Variants in ZNF654 observed in about 807,000 individuals in gnomAD.
ZNF654 encodes the protein zinc finger protein 654, also known as melanoma-associated antigen.
Under a neutral mutation model 95.3 loss-of-function variants are expected in ZNF654, and 19 were observed. That is an observed-to-expected ratio of 0.20 (90% CI 0.14 to 0.29). The LOEUF is 0.29. Ranked by LOEUF, ZNF654 falls within the 10% of genes least tolerant of loss-of-function variation. ZNF654 has a pLI of 1.00. For missense variants in ZNF654, 1,046 were observed against 1,341.0 expected, an observed-to-expected ratio of 0.78 and a Z score of 3.44; for synonymous variants, 413 against 457.9, an observed-to-expected ratio of 0.90 and a Z score of 1.25.
chr3:88,113,047 G>A lies in ZNF654; in HGVS notation c.333-68G>A. On this transcript the variant is annotated intron_variant, in intron 2 of 8. Transcript: ENST00000636215. ...ATATTGATATTAGATAGCTGATACT[G>A]TTTGATAATCTTTTAATTGGAGCAA... is the stretch of plus-strand genomic sequence containing the variant. The A allele has an allele frequency of 4.5e-6, 5 of 1,122,124 alleles. No homozygotes were observed. In the South Asian group the frequency reaches 7.2e-5, roughly 16 times the overall value. The allele number at this position is 1,122,124 out of a possible 1,614,324, so 69.5% of individuals were successfully genotyped here.
chr3:88,139,610 T>C lies in ZNF654; in HGVS notation c.1941T>C (p.Ser647=). 6.2e-7 allele frequency: 1 copy of C among 1,613,736 alleles called. No individual in the cohort carries two copies. Among genetic ancestry groups the C allele is most frequent in the Non-Finnish European group, 8.5e-7 (1 of 1,179,750 alleles). ...AAGTGGAGACACTTACTGCTTCTAG[T>C]GAAGGAAACAAAGAAGTCATCCCTG... The part of the protein sequence containing the change: ...DLEVETLTAS[S]EGNKEVIPEH... Residue 647 remains serine, a synonymous_variant, in exon 8 of 9, where the codon AGT becomes AGC. Coordinates refer to ENST00000636215, the MANE Select transcript of ZNF654 (RefSeq NM_001350134.2).
At chr3:88,102,716 T>C (rs1006242862) in intron 2 of ZNF654, among the ~76,000 whole-genome samples, 3 of 151,976 alleles carry the variant, frequency 2.0e-5, no homozygotes, top group African/African-American at 7.3e-5. Flanking sequence ...TCAGTTTAAC[T>C]TCTAACCGGT....
intron 2 of ZNF654, among the ~76,000 whole-genome samples, chr3:88,094,267 A>G (rs1703925395): frequency 6.6e-6 from 1 of 152,240 alleles, no homozygotes; most frequent in Non-Finnish European, 1.5e-5. Context: ...TGTATTGGCC[A>G]TCGTTAGAAA....
intron 1 of ZNF654, among the ~76,000 whole-genome samples, chr3:88,080,264 A>G (rs945364340): frequency 2.0e-5 from 3 of 152,114 alleles, no homozygotes; most frequent in Admixed American, 1.3e-4. Flanking sequence ...GTTGTAATTA[A>G]TCATACTTGG....
chr3:88,087,091 G>C (rs1708373974), intron 2 of ZNF654, among the ~76,000 whole-genome samples: 1 of 150,008 alleles, frequency 6.7e-6, no homozygotes, highest in African/African-American at 2.5e-5. Flanking sequence ...CCATTGTTTT[G>C]TTTTTTTGAG....
At chr3:88,123,464 C>CT (rs1234811591) in intron 3 of ZNF654, among the ~76,000 whole-genome samples, 2 of 152,122 alleles carry the variant, frequency 1.3e-5, no homozygotes, top group Non-Finnish European at 2.9e-5. Context: ...GGAGTAGACA[C>CT]TAAGTGTGGG....
intron 1 of ZNF654, among the ~76,000 whole-genome samples, chr3:88,066,093 ATTCT>A (rs1707183012): frequency 1.3e-5 from 2 of 152,222 alleles, no homozygotes; most frequent in Admixed American, 6.5e-5. Context: ...TGAAATTTTA[ATTCT>A]TTGTTTCCCC....
chr3:88,067,252 G>C (rs1707250965), intron 1 of ZNF654, among the ~76,000 whole-genome samples: 1 of 152,218 alleles, frequency 6.6e-6, no homozygotes, highest in African/African-American at 2.4e-5. Context: ...CTAATAGCTT[G>C]ACTATGTATA....
At chr3:88,064,046 T>C (rs1239370127) in intron 1 of ZNF654, among the ~76,000 whole-genome samples, 1 of 152,122 alleles carries the variant, frequency 6.6e-6, no homozygotes, top group Non-Finnish European at 1.5e-5. Flanking sequence ...GATCAACACA[T>C]GCCTATGATT....
chr3:88,112,693 T>C (rs756730228), intron 2 of ZNF654, among the ~76,000 whole-genome samples: 9 of 151,988 alleles, frequency 5.9e-5, no homozygotes, highest in Non-Finnish European at 8.8e-5. Flanking sequence ...GTGTTAATTT[T>C]ATTCAACTCT....
At chr3:88,074,297 C>T (rs988858435) in intron 1 of ZNF654, among the ~76,000 whole-genome samples, 1 of 151,704 alleles carries the variant, frequency 6.6e-6, no homozygotes, top group African/African-American at 2.4e-5. Flanking sequence ...CTTCTTTTAG[C>T]CCTCTAAAGG....
At position 88,132,943 on chromosome 3, in the gene ZNF654, A is replaced by G. The variant is rs75113624; in HGVS notation, c.894-2118A>G. 4.5e-4 allele frequency among the ~76,000 whole-genome samples: 69 copies of G among 152,308 alleles called. No homozygotes were observed. The East Asian group carries it at 0.013, about 29-fold the overall frequency. On this transcript the variant is annotated intron_variant, in intron 6 of 8. Transcript: ENST00000636215. ...GTGCAGTATGAGCTACATGAAAGCT[A>G]CATGGAAGGCCACAGGTAGTTCTCA... is the stretch of plus-strand genomic sequence containing the variant.
chr3:88,062,964 A>C (rs1706972822), intron 1 of ZNF654, among the ~76,000 whole-genome samples: 1 of 152,220 alleles, frequency 6.6e-6, no homozygotes. Context: ...CTTGAGAGAA[A>C]ATTTAGAAAT....
chr3:88,113,326 A>T, intron 3 of ZNF654, 130 bp downstream of exon 3: 1 of 512,614 alleles, frequency 2.0e-6, no homozygotes, highest in Admixed American at 3.9e-5. Context: ...AGTGTTTAAG[A>T]TCCTATTATT....
At chr3:88,129,604 CT>C in intron 5 of ZNF654, 82 bp from the exon 6 acceptor site, 1 of 1,090,012 alleles carries the variant, frequency 9.2e-7, no homozygotes, top group Non-Finnish European at 1.2e-6. Context: ...TAAGCAATTT[CT>C]CTTGAATGTT....
intron 2 of ZNF654, among the ~76,000 whole-genome samples, chr3:88,094,861 T>A (rs944687866): frequency 2.6e-4 from 39 of 152,026 alleles, no homozygotes; most frequent in Admixed American, 6.6e-4. Context: ...TACTGGCAGC[T>A]TTTACTGTGG....
chr3:88,130,816 T>G (rs1211581305), intron 6 of ZNF654, among the ~76,000 whole-genome samples: 1 of 152,028 alleles, frequency 6.6e-6, no homozygotes, highest in African/African-American at 2.4e-5. Flanking sequence ...AAATAGCTAG[T>G]TAGGAGGAGA....
chr3:88,065,249 C>T (rs4425287), intron 1 of ZNF654, among the ~76,000 whole-genome samples: 143,227 of 152,248 alleles, frequency 0.94, 67,888 homozygotes, highest in Non-Finnish European at 1. Flanking sequence ...TAGATGTTGA[C>T]GGCTGTATTT....
chr3:88,076,215 T>C (rs542017185), intron 1 of ZNF654, among the ~76,000 whole-genome samples: 1 of 152,360 alleles, frequency 6.6e-6, no homozygotes, highest in Non-Finnish European at 1.5e-5. Context: ...TTATAGACTT[T>C]CTGCCTTTTA....
Sources: allele counts gnomAD v4.1 joint callset (sites outside exome capture counted in the v4.1 genomes callset), GRCh38; gene constraint gnomAD v4.1.1; transcripts MANE v1.5; gene names NCBI Gene and HGNC (gene_info 2026-07-23, HGNC 2026-07-21).